TBC1D4: variants seen among roughly 807,000 people sequenced by gnomAD.
TBC1D4 encodes the protein TBC (Tre-2, BUB2, CDC16) domain-containing protein.
In TBC1D4, 121 loss-of-function variants were observed where a neutral mutation model predicts 142.5. The observed-to-expected ratio is 0.85, with a 90% CI of 0.73 to 0.99. TBC1D4 has a LOEUF of 0.99. Ranked by LOEUF, TBC1D4 falls within the 50% of genes least tolerant of loss-of-function variation. The pLI, the probability that TBC1D4 is intolerant of heterozygous loss-of-function variation, is 0.00. For missense variants in TBC1D4, 1,475 were observed against 1,606.6 expected, an observed-to-expected ratio of 0.92 and a Z score of 1.40; for synonymous variants, 630 against 628.2, an observed-to-expected ratio of 1.00 and a Z score of -0.04.
intron 4 of TBC1D4, 96 bp downstream of exon 4, chr13:75,356,051 G>T: frequency 1.1e-6 from 1 of 883,276 alleles, no homozygotes. Flanking sequence ...TTTTCCCATA[G>T]ATAGCCATAT....
chr13:75,458,333 C>T (rs9530440), intron 1 of TBC1D4, among the ~76,000 whole-genome samples: 90,315 of 151,990 alleles, frequency 0.59, 27,082 homozygotes, highest in East Asian at 0.7. Flanking sequence ...TCCCTTTCTT[C>T]TCTCCTTCTC....
At chr13:75,411,357 T>C (rs2138400298) in intron 1 of TBC1D4, among the ~76,000 whole-genome samples, 1 of 152,330 alleles carries the variant, frequency 6.6e-6, no homozygotes, top group Middle Eastern at 3.4e-3. Context: ...CTCATGGGCT[T>C]TTAGGATTCC....
intron 1 of TBC1D4, among the ~76,000 whole-genome samples, chr13:75,441,124 C>G (rs1325614342): frequency 6.6e-6 from 1 of 151,986 alleles, no homozygotes; most frequent in East Asian, 1.9e-4. Context: ...GGCATGGTGG[C>G]GGGAACCTGT....
chr13:75,442,534 A>C (rs1887086749), intron 1 of TBC1D4, among the ~76,000 whole-genome samples: 3 of 152,172 alleles, frequency 2.0e-5, no homozygotes, highest in Admixed American at 6.5e-5. Context: ...AAAAAAAAAC[A>C]TTCTGGGAGG....
chr13:75,343,587 G>A (rs368575277), intron 5 of TBC1D4, among the ~76,000 whole-genome samples: 2 of 151,882 alleles, frequency 1.3e-5, no homozygotes, highest in African/African-American at 4.8e-5. Context: ...GCGCGATCTC[G>A]ACTCACCGCA....
intron 1 of TBC1D4, among the ~76,000 whole-genome samples, chr13:75,395,950 CTTTA>C (rs1387998121): frequency 6.6e-6 from 1 of 152,182 alleles, no homozygotes; most frequent in Non-Finnish European, 1.5e-5. Context: ...GTTTAAGCCT[CTTTA>C]TTTATAAGCA....
intron 1 of TBC1D4, among the ~76,000 whole-genome samples, chr13:75,388,049 C>G (rs972555312): frequency 6.6e-6 from 1 of 152,162 alleles, no homozygotes; most frequent in Non-Finnish European, 1.5e-5. Context: ...AAAAGACATG[C>G]AAATTCCCAG....
chr13:75,364,598 T>G (rs1882789957), intron 1 of TBC1D4, among the ~76,000 whole-genome samples: 1 of 152,234 alleles, frequency 6.6e-6, no homozygotes, highest in African/African-American at 2.4e-5. Context: ...TGATTTACCT[T>G]ACCTGGCAAG....
chr13:75,341,652 T>C (rs1265256853), intron 5 of TBC1D4, 65 bp from the exon 6 acceptor site: 2 of 1,237,388 alleles, frequency 1.6e-6, no homozygotes, highest in Admixed American at 1.7e-5. Context: ...GGGCAGAGAA[T>C]GCATTACACT....
Position 75,312,848 on chromosome 13 carries a change from A to T in TBC1D4, c.2273T>A (p.Leu758Gln), listed in dbSNP as rs1237942471. Residue 758 changes from leucine (L) to glutamine (Q), a missense_variant, in exon 13 of 21, where the codon CTA becomes CAA. Around this residue, in one of 2 missense-constraint regions of TBC1D4, gnomAD observed 1,227 missense variants for 1,267.7 expected, o/e 0.97. Transcript: ENST00000377636. ...AGTGACAGAGGTTCCTCCCACACTT[A>T]GGGACTCATTGCTGCAGGTAGATGA... ...RTSSTCSNES[L>Q]SVGGTSVTPR... 6.2e-7 allele frequency: 1 copy of T among 1,614,200 alleles called. No homozygotes were observed. The highest frequency in any genetic ancestry group is 8.5e-7 in the Non-Finnish European group (1 of 1,180,036).
chr13:75,350,748 C>T (rs992199019), intron 4 of TBC1D4, among the ~76,000 whole-genome samples: 5 of 151,720 alleles, frequency 3.3e-5, no homozygotes, highest in African/African-American at 1.2e-4. Flanking sequence ...TTAATAATAC[C>T]GCCTTGTAAA....
intron 3 of TBC1D4, among the ~76,000 whole-genome samples, chr13:75,357,845 A>G (rs919400091): frequency 1.3e-5 from 2 of 152,216 alleles, no homozygotes; most frequent in Non-Finnish European, 2.9e-5. Context: ...AATGAAAGGC[A>G]GGGCTTTCCA....
At chr13:75,429,615 GGT>G (rs1886514590) in intron 1 of TBC1D4, among the ~76,000 whole-genome samples, 1 of 151,788 alleles carries the variant, frequency 6.6e-6, no homozygotes, top group African/African-American at 2.4e-5. Flanking sequence ...TAAAATAAAA[GGT>G]TTTAATTAAA....
At chr13:75,324,480 A>G in intron 10 of TBC1D4, 79 bp from the exon 11 acceptor site, 1 of 1,527,568 alleles carries the variant, frequency 6.5e-7, no homozygotes, top group Non-Finnish European at 9.0e-7. Flanking sequence ...AAGCATATAA[A>G]CAGGTTCTTG....
intron 1 of TBC1D4, among the ~76,000 whole-genome samples, chr13:75,459,329 A>T: frequency 6.6e-6 from 1 of 152,130 alleles, no homozygotes; most frequent in East Asian, 1.9e-4. Context: ...TTCCTTGCCT[A>T]ATACCTAACC....
At position 75,299,479 on chromosome 13, in the gene TBC1D4, T is replaced by C; in HGVS notation, c.3007A>G (p.Lys1003Glu). 1.2e-6 allele frequency: 2 copies of C among 1,614,188 alleles called. No individual in the cohort carries two copies. The highest frequency in any genetic ancestry group is 2.2e-5 in the East Asian group (1 of 44,888). ...ATCCCCTGACAGTATCCCACTTCTT[T>C]GTCCAGCAAAGAATAGGCTTTCAGG... ...NLLKAYSLLD[K>E]EVGYCQGISF... Residue 1003 changes from lysine to glutamate, a missense_variant, in exon 17 of 21, where the codon AAA becomes GAA. Physicochemically the swap from Lys to Glu is moderately conservative, Grantham distance 56. Transcript: ENST00000377636.
rs145318101 is a variant in TBC1D4 at position 75,363,938 on chromosome 13, C to G, written c.499-1331G>C. ...GGTTAAGGGCATGACCATGACACAG[C>G]CTCAGGAGGTTCTGAGAACATGTGC... On this transcript the variant is annotated intron_variant, in intron 1 of 20. Coordinates refer to ENST00000377636, the MANE Select transcript of TBC1D4 (RefSeq NM_014832.5). 1.9e-3 allele frequency among the ~76,000 whole-genome samples: 289 copies of G among 152,296 alleles called. 4 individuals carry two copies. The highest frequency in any genetic ancestry group is 6.7e-3 in the African/African-American group (280 of 41,570).
chr13:75,356,581 T>C (rs148435283), intron 3 of TBC1D4, among the ~76,000 whole-genome samples: 9 of 152,342 alleles, frequency 5.9e-5, no homozygotes, highest in East Asian at 1.9e-4. Context: ...CAGTTTACTG[T>C]CTTCTTGGCA....
At chr13:75,391,228 T>C (rs1884471682) in intron 1 of TBC1D4, among the ~76,000 whole-genome samples, 1 of 141,066 alleles carries the variant, frequency 7.1e-6, no homozygotes, top group South Asian at 2.2e-4. Flanking sequence ...ACACACACTA[T>C]TTTTATCTCT....
Sources: allele counts gnomAD v4.1 joint callset (sites outside exome capture counted in the v4.1 genomes callset), GRCh38; gene constraint gnomAD v4.1.1; regional missense constraint gnomAD v4.1.1; transcripts MANE v1.5; gene names NCBI Gene and HGNC (gene_info 2026-07-23, HGNC 2026-07-21).